Variants in FAM120B observed in about 807,000 individuals in gnomAD.
FAM120B encodes the protein constitutive coactivator of peroxisome proliferator-activated receptor gamma.
FAM120B carries 83 observed loss-of-function variants against 96.3 expected under a neutral mutation model. The observed-to-expected ratio is 0.86, with a 90% CI of 0.72 to 1.03. The LOEUF is 1.03. FAM120B is among the 50% of genes least tolerant of loss of function. FAM120B has a pLI of 0.00. For synonymous variants in FAM120B, 407 were observed against 402.7 expected (o/e 1.01, Z -0.13); for missense variants, 1,027 against 1,121.2 (o/e 0.92, Z 1.20).
chr6:170,376,163 G>A (rs1472310034), intron 6 of FAM120B, among the ~76,000 whole-genome samples: 1 of 152,112 alleles, frequency 6.6e-6, no homozygotes, highest in Non-Finnish European at 1.5e-5. Context: ...AGGCCCTAGT[G>A]TGGTTACTAT....
At chr6:170,335,039 T>C (rs1243935690) in intron 4 of FAM120B, among the ~76,000 whole-genome samples, 4 of 151,952 alleles carry the variant, frequency 2.6e-5, no homozygotes, top group African/African-American at 7.2e-5. Flanking sequence ...TTTTGAGTTT[T>C]TTTTTTGTTT....
At position 170,391,083 on chromosome 6, in the gene FAM120B, G is replaced by A. The variant is rs371061294; in HGVS notation, c.2561G>A (p.Arg854His). ...AAGGCCTGCATGAAGGAGAACAGAC[G>A]CATCACTGGCCGAGCCCACTGGGGC... is the stretch of plus-strand genomic sequence containing the variant. ...VCKACMKENR[R>H]ITGRAHWGSH... Residue 854 changes from arginine to histidine, a missense_variant, in exon 8 of 11, where the codon CGC becomes CAC. This residue lies in a region of FAM120B where 142 missense variants were observed against 122.5 expected (regional missense o/e 1.16). Transcript: ENST00000476287. 4.4e-5 allele frequency: 71 copies of A among 1,614,062 alleles called. No homozygotes were observed. The highest frequency in any genetic ancestry group is 5.4e-5 in the Non-Finnish European group (64 of 1,180,036).
At chr6:170,297,051 G>C (rs1018480821) in intron 1 of FAM120B, among the ~76,000 whole-genome samples, 2 of 152,210 alleles carry the variant, frequency 1.3e-5, no homozygotes, top group African/African-American at 4.8e-5. Flanking sequence ...GGGGCACGCG[G>C]GGGGCTTCAA....
chr6:170,400,380 G>A (rs960540517), intron 9 of FAM120B, among the ~76,000 whole-genome samples: 1 of 152,132 alleles, frequency 6.6e-6, no homozygotes, highest in Non-Finnish European at 1.5e-5. Context: ...CAGGTGGAGT[G>A]GGACCTGTTT....
In FAM120B at chr6:170,348,335, C is replaced by T. The variant is rs1787349681; in HGVS notation, c.2190+12C>T. The stretch of plus-strand genomic sequence containing the variant: ...ACCTCTTTGTCCAGGTAATGTCCAG[C>T]TGCCCGTTCTAGTCACTGCAGCCTG... On this transcript the variant is annotated intron_variant, in intron 5 of 10. Transcript: ENST00000476287. 1 of 1,611,274 alleles carries T rather than the reference C, an allele frequency of 6.2e-7. No individual in the cohort carries two copies. Among genetic ancestry groups the T allele is most frequent in the African/African-American group, 1.3e-5 (1 of 74,840 alleles).
chr6:170,323,353 A>G, intron 3 of FAM120B, 94 bp downstream of exon 3: 2 of 1,020,220 alleles, frequency 2.0e-6, no homozygotes, highest in East Asian at 2.4e-5. Flanking sequence ...CTTTCAAGAC[A>G]TGGAGACAAT....
At chr6:170,397,502 A>T (rs1436406412) in intron 9 of FAM120B, among the ~76,000 whole-genome samples, 4 of 152,040 alleles carry the variant, frequency 2.6e-5, no homozygotes, top group Non-Finnish European at 4.4e-5. Context: ...CTCTGTGTGA[A>T]TCTGGAGTCC....
In FAM120B at chr6:170,388,070, T is replaced by A. The variant is rs146425177; in HGVS notation, c.2284-217T>A. ...GATGGATGAAGACACACTCTGACTG[T>A]AGAGGCACCCTCATTTCTGTCAGCT... On this transcript the variant is annotated intron_variant, in intron 6 of 10. Coordinates refer to ENST00000476287, the MANE Select transcript of FAM120B (RefSeq NM_032448.3). 2.2e-3 allele frequency among the ~76,000 whole-genome samples: 331 copies of A among 152,330 alleles called. 2 individuals are homozygous for A. The highest frequency in any genetic ancestry group is 0.014 in the Middle Eastern group (4 of 294).
intron 3 of FAM120B, among the ~76,000 whole-genome samples, chr6:170,324,648 T>C (rs1283147760): frequency 6.6e-6 from 1 of 152,222 alleles, no homozygotes; most frequent in Admixed American, 6.5e-5. Flanking sequence ...TAATGTAATA[T>C]ATTTATGACC....
chr6:170,331,666 A>G (rs1217867166), intron 4 of FAM120B, among the ~76,000 whole-genome samples: 3 of 152,232 alleles, frequency 2.0e-5, no homozygotes, highest in Admixed American at 1.3e-4. Flanking sequence ...TGACTATTAC[A>G]TCTCTTTTCA....
In FAM120B at chr6:170,295,804, T is replaced by C. The variant is rs528307971; in HGVS notation, c.48+351T>C. Among the ~76,000 whole-genome samples the C allele has an allele frequency of 6.7e-6, 1 of 150,330 alleles. No homozygotes were observed. The highest frequency in any genetic ancestry group is 1.5e-5 in the Non-Finnish European group (1 of 67,604). ...GGGGGTCGTTTTGCGGTGGGGGGAG[T>C]CCGAACCGCGCCACGGGCCCGCGAG... On this transcript the variant is annotated intron_variant, in intron 1 of 10. Coordinates refer to the FAM120B transcript ENST00000537664. The surrounding 1 kb of genome is among the most constrained non-coding windows in gnomAD (Gnocchi z 7.8).
Position 170,348,250 on chromosome 6 carries a change from CAA to C in FAM120B, c.2118_2119del (p.Glu708ArgfsTer55). On this transcript the variant is annotated frameshift_variant, in exon 5 of 11. Transcript: ENST00000476287. LOFTEE classifies it high-confidence loss of function. ...CTAGCCTGTTTCAATCTTTCCTCCT[CAA>C]GAGAAGAGCTGCAGGCTGTCGAAAG... 1 of 1,614,062 alleles carries C rather than the reference CAA, an allele frequency of 6.2e-7. No homozygotes were observed. Among genetic ancestry groups the C allele is most frequent in the Non-Finnish European group, 8.5e-7 (1 of 1,179,974 alleles).
intron 9 of FAM120B, 74 bp downstream of exon 9, chr6:170,395,653 C>G (rs1790689651): frequency 5.9e-6 from 6 of 1,015,762 alleles, no homozygotes; most frequent in Non-Finnish European, 7.6e-6. Flanking sequence ...TTGCTGATAA[C>G]TGCCTTCCTC....
At chr6:170,383,102 GAA>G (rs140590111) in intron 6 of FAM120B, among the ~76,000 whole-genome samples, 47 of 108,464 alleles carry the variant, frequency 4.3e-4, no homozygotes, top group African/African-American at 1.1e-3. Context: ...GCCAAAAAAA[GAA>G]AAAAAAAAAA....
intron 6 of FAM120B, among the ~76,000 whole-genome samples, chr6:170,385,007 A>G (rs1029992636): frequency 2.0e-5 from 3 of 152,210 alleles, no homozygotes; most frequent in African/African-American, 4.8e-5. Flanking sequence ...CCTAACGGAC[A>G]TATAGAATCC....
intron 5 of FAM120B, among the ~76,000 whole-genome samples, chr6:170,354,610 C>T (rs554173444): frequency 6.6e-6 from 1 of 152,186 alleles, no homozygotes; most frequent in African/African-American, 2.4e-5. Flanking sequence ...GGGCAAAAGA[C>T]ATGAACAGAC....
intron 1 of FAM120B, among the ~76,000 whole-genome samples, chr6:170,307,441 G>A (rs1387611151): frequency 6.6e-6 from 1 of 152,200 alleles, no homozygotes; most frequent in Non-Finnish European, 1.5e-5. Context: ...AAAGAAAAGG[G>A]TCCCTCGAGG....
In FAM120B at chr6:170,323,065, T is replaced by C; in HGVS notation, c.1735-14T>C. 1 of 1,591,754 alleles carries C rather than the reference T, an allele frequency of 6.3e-7. No homozygotes were observed. Among genetic ancestry groups the C allele is most frequent in the South Asian group, 1.1e-5 (1 of 87,444 alleles). On this transcript the variant is annotated splice_polypyrimidine_tract_variant and intron_variant, in intron 2 of 10. Coordinates refer to ENST00000476287, the MANE Select transcript of FAM120B (RefSeq NM_032448.3). ...TTTTAAGGAGAAATTCAGTTGTATT[T>C]AAATTTCAAACAGGTTGCTAGAACA...
intron 4 of FAM120B, among the ~76,000 whole-genome samples, chr6:170,339,972 G>A (rs9460118): frequency 0.033 from 4,992 of 152,042 alleles, 121 homozygotes; most frequent in Middle Eastern, 0.12. Context: ...GTGTCTTAGG[G>A]TTGCTCTTCT....
Sources: gnomAD v4.1 joint callset for allele counts (sites outside exome capture counted in the v4.1 genomes callset) on GRCh38, gnomAD v4.1.1 for gene constraint, gnomAD v4.1.1 regional missense constraint, Gnocchi (gnomAD v3.1) non-coding constraint, MANE v1.5 for transcripts, NCBI Gene and HGNC (gene_info 2026-07-23, HGNC 2026-07-21) for gene names.